MYO9B: variants seen among roughly 807,000 people sequenced by gnomAD.
MYO9B encodes unconventional myosin-IXb.
In MYO9B, 71 loss-of-function variants were observed where a neutral mutation model predicts 229.5. The observed-to-expected ratio is 0.31, with a 90% CI of 0.26 to 0.38. The LOEUF (loss-of-function observed/expected upper bound fraction) is 0.38. MYO9B is among the 10% of genes least tolerant of loss of function. The pLI is 1.00. For synonymous variants in MYO9B, 1,185 were observed against 1,235.8 expected (o/e 0.96, Z 0.86); for missense variants, 2,255 against 2,920.5 (o/e 0.77, Z 5.25).
chr19:17,124,756 T>C, intron 2 of MYO9B, among the ~76,000 whole-genome samples: 1 of 121,346 alleles, frequency 8.2e-6, no homozygotes, highest in African/African-American at 3.5e-5. Context: ...TGAGACTCTG[T>C]CTCAAAAAAA....
intron 2 of MYO9B, among the ~76,000 whole-genome samples, chr19:17,136,303 G>A (rs1347345069): frequency 2.0e-5 from 3 of 152,208 alleles, no homozygotes; most frequent in South Asian, 2.1e-4. Flanking sequence ...GCAGGGTCCC[G>A]TGAGCATCCA....
intron 18 of MYO9B, 126 bp from the exon 19 acceptor site, chr19:17,187,809 C>T: frequency 1.3e-6 from 1 of 747,342 alleles, no homozygotes; most frequent in Non-Finnish European, 2.2e-6. Flanking sequence ...TGTTCGGCAT[C>T]CCAAGAGGCA....
chr19:17,144,868 G>A (rs1009546138), intron 2 of MYO9B, among the ~76,000 whole-genome samples: 2 of 151,412 alleles, frequency 1.3e-5, no homozygotes, highest in South Asian at 4.2e-4. Context: ...CACTCGGGAG[G>A]CTGAGCCAGG....
At chr19:17,199,577 A>C (rs1021368876) in intron 24 of MYO9B, among the ~76,000 whole-genome samples, 10 of 151,308 alleles carry the variant, frequency 6.6e-5, no homozygotes, top group Admixed American at 4.6e-4. Context: ...GCAATGGCTC[A>C]ATCTCCGCTC....
At chr19:17,133,775 T>TC (rs76405867) in intron 2 of MYO9B, among the ~76,000 whole-genome samples, 30,619 of 151,168 alleles carry the variant, frequency 0.2, 3,655 homozygotes, top group African/African-American at 0.33. Context: ...TTCTTTTTTT[T>TC]CTGAGGCGGA....
chr19:17,148,311 C>CCCCCTTTCCAACAT (rs2072438394), intron 3 of MYO9B, among the ~76,000 whole-genome samples: 1 of 152,210 alleles, frequency 6.6e-6, no homozygotes, highest in Admixed American at 6.5e-5. Context: ...ATGGGCACCG[C>CCCCCTTTCCAACAT]CCCCTTTCCA....
chr19:17,175,586 TAAATA>T (rs1344873052), intron 13 of MYO9B, 72 bp from the exon 14 acceptor site: 14 of 1,174,400 alleles, frequency 1.2e-5, no homozygotes, highest in Admixed American at 2.8e-5. Flanking sequence ...CTCAAATAAA[TAAATA>T]AAATGGGTTA....
intron 10 of MYO9B, among the ~76,000 whole-genome samples, chr19:17,166,515 T>C (rs555423967): frequency 6.6e-6 from 1 of 152,270 alleles, no homozygotes; most frequent in South Asian, 2.1e-4. Flanking sequence ...TTTTTTCACT[T>C]TGAAGTTCAG....
At chr19:17,149,594 C>G (rs1402185412) in intron 3 of MYO9B, among the ~76,000 whole-genome samples, 3 of 152,212 alleles carry the variant, frequency 2.0e-5, no homozygotes, top group African/African-American at 7.2e-5. Flanking sequence ...AGAATGGCCG[C>G]AGCGATCACA....
chr19:17,195,487 C>A lies in MYO9B; in HGVS notation c.4046+14C>A. ...CACGCCCACAGAGTAAGCCCCACACCCTCTTTTGTCTGAGCACCAGGGTCC... is the reference window on the plus strand; with the variant it reads ...CACGCCCACAGAGTAAGCCCCACACACTCTTTTGTCTGAGCACCAGGGTCC... On this transcript the variant is annotated intron_variant, in intron 22 of 39. Transcript: ENST00000682292. This position sits in a 1 kb window ranked among gnomAD's most constrained non-coding sequence, Gnocchi z 4.5. 1 of 1,577,586 alleles carries A rather than the reference C, an allele frequency of 6.3e-7. No homozygotes were observed. Among genetic ancestry groups the A allele is most frequent in the East Asian group, 2.3e-5 (1 of 43,272 alleles).
In MYO9B at chr19:17,185,252, T is replaced by C. The variant is rs935288377; in HGVS notation, c.2496+265T>C. On this transcript the variant is annotated intron_variant, in intron 17 of 39. Coordinates refer to ENST00000682292, the MANE Select transcript of MYO9B (RefSeq NM_004145.4). ...AGCCGGGCGTAGTGGCGGGTGCCTG[T>C]AGTCCCAGCTACTCGGGAGGCTGAG... Among the ~76,000 whole-genome samples, 4 of 151,134 alleles carry C rather than the reference T, an allele frequency of 2.6e-5. No individual in the cohort carries two copies. In the East Asian group the frequency reaches 7.7e-4, roughly 29 times the overall value.
At chr19:17,171,707 T>C (rs1194111127) in intron 11 of MYO9B, among the ~76,000 whole-genome samples, 2 of 152,078 alleles carry the variant, frequency 1.3e-5, no homozygotes, top group Non-Finnish European at 2.9e-5. Context: ...ATCCTAGTCG[T>C]TTGGGAGGCT....
At chr19:17,201,571 C>T (rs1420154762) in intron 26 of MYO9B, among the ~76,000 whole-genome samples, 1 of 152,082 alleles carries the variant, frequency 6.6e-6, no homozygotes, top group East Asian at 1.9e-4. Flanking sequence ...TAGCTCTCAT[C>T]TAGGGGGGAT....
At chr19:17,161,205 G>A (rs1427605989) in intron 8 of MYO9B, among the ~76,000 whole-genome samples, 6 of 152,140 alleles carry the variant, frequency 3.9e-5, no homozygotes, top group Non-Finnish European at 1.5e-5. Context: ...ACAGTCGCAC[G>A]CCCCACCCCC....
chr19:17,125,762 A>G (rs2058010871), intron 2 of MYO9B, among the ~76,000 whole-genome samples: 2 of 152,194 alleles, frequency 1.3e-5, no homozygotes, highest in South Asian at 2.1e-4. Context: ...CTGACCAGCA[A>G]CCAGCTATCG....
Position 17,172,789 on chromosome 19 carries a change from C to T in MYO9B, c.1966C>T (p.Arg656Trp), listed in dbSNP as rs369898251. Residue 656 changes from arginine (R) to tryptophan (W), a missense_variant, in exon 13 of 40, where the codon CGG (arginine) becomes TGG (tryptophan). Transcript: ENST00000682292. This position sits in a 1 kb window ranked among gnomAD's most constrained non-coding sequence, Gnocchi z 8.2. ...DFREKNMDYM[R>W]PDIVALLRGS... ...CCGGGAGAAGAACATGGACTACATG[C>T]GGCCAGACATCGTGGCCCTGCTGCG... is the stretch of plus-strand genomic sequence containing the variant. 6 of 1,613,414 alleles carry T rather than the reference C, an allele frequency of 3.7e-6. No individual in the cohort carries two copies. Among genetic ancestry groups the T allele is most frequent in the African/African-American group, 2.7e-5 (2 of 74,948 alleles).
At chr19:17,102,686 A>G in intron 2 of MYO9B, 129 bp downstream of exon 2, 1 of 1,313,732 alleles carries the variant, frequency 7.6e-7, no homozygotes, top group Non-Finnish European at 1.0e-6. Context: ...GGATTGCTTG[A>G]GCCCAGGAGT....
chr19:17,111,272 C>T (rs1340153973), intron 2 of MYO9B, among the ~76,000 whole-genome samples: 8 of 152,250 alleles, frequency 5.3e-5, no homozygotes, highest in African/African-American at 1.9e-4. Context: ...GCAAGGGTGG[C>T]AGAGATAGAA....
intron 2 of MYO9B, among the ~76,000 whole-genome samples, chr19:17,111,694 C>T (rs550091290): frequency 2.7e-4 from 41 of 152,268 alleles, no homozygotes; most frequent in South Asian, 6.2e-4. Context: ...TTAGTACACT[C>T]GCAGTGGTAT....
Sources: allele counts gnomAD v4.1 joint callset (sites outside exome capture counted in the v4.1 genomes callset), GRCh38; gene constraint gnomAD v4.1.1; non-coding constraint Gnocchi (gnomAD v3.1); transcripts MANE v1.5; gene names NCBI Gene and HGNC (gene_info 2026-07-23, HGNC 2026-07-21).